The following CACNA1A variants were observed in gnomAD, a reference collection of about 807,000 sequenced individuals.
The protein encoded by CACNA1A is calcium voltage-gated channel subunit alpha1 A, also known as voltage-dependent P/Q-type calcium channel subunit alpha-1A.
In CACNA1A, 57 loss-of-function variants were observed where a neutral mutation model predicts 262.4. The ratio of observed to expected loss-of-function variants is 0.22; its 90% confidence interval spans 0.18 to 0.27. The LOEUF (loss-of-function observed/expected upper bound fraction) is 0.27. Ranked by LOEUF, CACNA1A falls within the 10% of genes least tolerant of loss-of-function variation. The pLI is 1.00. For missense variants in CACNA1A, 2,526 were observed against 3,562.8 expected, an observed-to-expected ratio of 0.71 and a Z score of 7.41; for synonymous variants, 1,431 against 1,419.3, an observed-to-expected ratio of 1.01 and a Z score of -0.18.
chr19:13,502,975 T>C (rs1982566428), intron 1 of CACNA1A, among the ~76,000 whole-genome samples: 1 of 152,024 alleles, frequency 6.6e-6, no homozygotes, highest in African/African-American at 2.4e-5. Context: ...CAACCCTTAG[T>C]CAACACCATT....
chr19:13,224,853 G>C (rs545541284), intron 37 of CACNA1A, 81 bp from the exon 38 acceptor site: 1 of 937,714 alleles, frequency 1.1e-6, no homozygotes, highest in African/African-American at 1.6e-5. Flanking sequence ...CCCCTACCCA[G>C]GGAGTCCCAG....
At chr19:13,422,239 T>G (rs2060327301) in intron 3 of CACNA1A, among the ~76,000 whole-genome samples, 1 of 152,152 alleles carries the variant, frequency 6.6e-6, no homozygotes, top group Admixed American at 6.5e-5. Context: ...GAGGATCACT[T>G]GAGCCCAGGA....
intron 30 of CACNA1A, among the ~76,000 whole-genome samples, chr19:13,251,891 A>G (rs2056408155): frequency 6.6e-6 from 1 of 151,826 alleles, no homozygotes; most frequent in African/African-American, 2.4e-5. Flanking sequence ...CAGCCTCCTG[A>G]GTAGCTGGGA....
chr19:13,208,682 G>A (rs1443086841), intron 46 of CACNA1A, 74 bp downstream of exon 46: 3 of 1,462,926 alleles, frequency 2.1e-6, no homozygotes, highest in Non-Finnish European at 2.7e-6. Flanking sequence ...AGTGGCTGTT[G>A]GATGGGGTAT....
At chr19:13,334,243 G>A (rs1306037228) in intron 8 of CACNA1A, 135 bp downstream of exon 8, 1 of 601,626 alleles carries the variant, frequency 1.7e-6, no homozygotes, top group African/African-American at 1.8e-5. Flanking sequence ...GATAAAATTT[G>A]GGACTACCAA....
Position 13,212,260 on chromosome 19 carries a change from C to T in CACNA1A, c.6190-44G>A, listed in dbSNP as rs1165150209. On this transcript the variant is annotated intron_variant, in intron 42 of 46. Coordinates refer to ENST00000360228, the MANE Select transcript of CACNA1A (RefSeq NM_001127222.2). This position sits in a 1 kb window ranked among gnomAD's most constrained non-coding sequence, Gnocchi z 5.6. The stretch of plus-strand genomic sequence containing the variant: ...AGCCAGATGAGCTCTGGGGCCTGAC[C>T]TCCAGATCCCTGGTGTCTGCAGAGG... 6 of 1,592,036 alleles carry T rather than the reference C, an allele frequency of 3.8e-6. No individual in the cohort carries two copies. In the South Asian group the frequency reaches 6.7e-5, roughly 18 times the overall value.
intron 1 of CACNA1A, among the ~76,000 whole-genome samples, chr19:13,459,313 T>C (rs1488430729): frequency 6.6e-6 from 1 of 152,208 alleles, no homozygotes. Context: ...TGGAACCTGC[T>C]TTCCAGGTGG....
intron 19 of CACNA1A, 40 bp downstream of exon 19, chr19:13,298,504 G>T: frequency 6.7e-7 from 1 of 1,486,562 alleles, no homozygotes; most frequent in East Asian, 2.7e-5. Context: ...CATTATTAAT[G>T]TTACCGTCAT....
intron 2 of CACNA1A, among the ~76,000 whole-genome samples, chr19:13,454,701 C>A (rs960657586): frequency 1.3e-5 from 2 of 152,122 alleles, no homozygotes; most frequent in Non-Finnish European, 2.9e-5. Context: ...TAACAATGTT[C>A]ATTTGAGTAT....
At chr19:13,377,583 G>C (rs1022458401) in intron 3 of CACNA1A, among the ~76,000 whole-genome samples, 11 of 151,004 alleles carry the variant, frequency 7.3e-5, no homozygotes, top group African/African-American at 9.7e-5. Context: ...GGCTGGTCTT[G>C]AACTCCTGAC....
intron 30 of CACNA1A, among the ~76,000 whole-genome samples, chr19:13,246,580 C>A (rs1455995438): frequency 6.6e-6 from 1 of 152,076 alleles, no homozygotes; most frequent in Non-Finnish European, 1.5e-5. Flanking sequence ...CTGCTGCATT[C>A]CTGGGCTGGG....
chr19:13,411,694 TTCTCTC>T (rs144610146), intron 3 of CACNA1A, among the ~76,000 whole-genome samples: 9 of 147,766 alleles, frequency 6.1e-5, no homozygotes, highest in East Asian at 6.0e-4. Flanking sequence ...CTCTTTCTCC[TTCTCTC>T]TCTCTCTCTC....
At chr19:13,301,405 T>G (rs539283765) in intron 17 of CACNA1A, among the ~76,000 whole-genome samples, 2 of 152,316 alleles carry the variant, frequency 1.3e-5, no homozygotes, top group South Asian at 4.1e-4. Context: ...GCCCCTGCCA[T>G]GCACTGTCAA....
rs185686627 is a variant in CACNA1A, at chr19:13,335,506, G to A, written c.1082+300C>T. Among the ~76,000 whole-genome samples the A allele has an allele frequency of 5.9e-3, 904 of 152,158 alleles. 6 individuals are homozygous for A. The highest frequency in any genetic ancestry group is 7.8e-3 in the Non-Finnish European group (530 of 67,992). On this transcript the variant is annotated intron_variant, in intron 7 of 46. Transcript: ENST00000360228. ...ACAATATGGGTCAGGAAAATACACCGTTAGAGCATATGCTATGATTTTATA... is the reference window on the plus strand; with the variant it reads ...ACAATATGGGTCAGGAAAATACACCATTAGAGCATATGCTATGATTTTATA...
intron 22 of CACNA1A, 147 bp from the exon 23 acceptor site, chr19:13,277,275 T>A (rs1401385582): frequency 1.7e-6 from 1 of 586,370 alleles, no homozygotes; most frequent in Non-Finnish European, 3.1e-6. Flanking sequence ...GGGCGTGCAC[T>A]GCACAAGGGC....
intron 6 of CACNA1A, among the ~76,000 whole-genome samples, chr19:13,349,824 C>CT (rs2058873685): frequency 1.3e-5 from 2 of 152,152 alleles, no homozygotes; most frequent in Admixed American, 1.3e-4. Context: ...CAAGGAATCC[C>CT]AGGCTGATGC....
chr19:13,208,660 A>T, intron 46 of CACNA1A, 96 bp downstream of exon 46: 3 of 1,387,670 alleles, frequency 2.2e-6, no homozygotes, highest in East Asian at 5.1e-5. Flanking sequence ...GGATCCGGGG[A>T]CCTTTGCCTA....
intron 18 of CACNA1A, among the ~76,000 whole-genome samples, chr19:13,300,274 T>C (rs2057760720): frequency 6.6e-6 from 1 of 152,216 alleles, no homozygotes; most frequent in Non-Finnish European, 1.5e-5. Context: ...TTTATCTAAT[T>C]TATTGACTCC....
rs1568612422 is a variant in CACNA1A at position 13,404,191 on chromosome 19, C to CAA, written c.540-32413_540-32412insTT. On this transcript the variant is annotated intron_variant, in intron 3 of 46. Transcript: ENST00000360228. ...GTGCATATATATATATACACATATA[C>CAA]ACACACACACACACAGTAATAAGGT... is the stretch of plus-strand genomic sequence containing the variant. Among the ~76,000 whole-genome samples, 5 of 146,750 alleles carry CAA rather than the reference C, an allele frequency of 3.4e-5. No homozygotes were observed. The South Asian group carries it at 1.1e-3, about 31-fold the overall frequency.
Sources: gnomAD v4.1 joint callset for allele counts (sites outside exome capture counted in the v4.1 genomes callset) on GRCh38, gnomAD v4.1.1 for gene constraint, Gnocchi (gnomAD v3.1) non-coding constraint, MANE v1.5 for transcripts, NCBI Gene and HGNC (gene_info 2026-07-23, HGNC 2026-07-21) for gene names.